Variants in LRRC37A2 observed in about 807,000 individuals in gnomAD.
LRRC37A2 encodes leucine-rich repeat-containing protein 37A2.
In LRRC37A2, 9 loss-of-function variants were observed where a neutral mutation model predicts 68.8. The ratio of observed to expected loss-of-function variants is 0.13; its 90% CI spans 0.08 to 0.23. LRRC37A2 has a LOEUF of 0.23. Among genes scored for constraint, LRRC37A2 ranks in the 10% least tolerant of loss-of-function variants. The pLI is 1.00. For missense variants in LRRC37A2, 168 were observed against 950.4 expected (o/e 0.18, Z 10.82); for synonymous variants, 63 against 367.6 (o/e 0.17, Z 9.48).
At chr17:46,849,642 C>T in the LRRC37A2 span, among the ~76,000 whole-genome samples, 1 of 152,192 alleles carries the variant, frequency 6.6e-6, no homozygotes, top group Non-Finnish European at 1.5e-5. Context: ...CTCTTCCTAA[C>T]TCCAGTGATC....
the LRRC37A2 span, among the ~76,000 whole-genome samples, chr17:46,972,279 C>T: frequency 2.0e-5 from 3 of 152,220 alleles, no homozygotes; most frequent in East Asian, 1.9e-4. Context: ...CATCTTCTCC[C>T]TGCTGTCCTT....
At chr17:46,793,978 A>G in the LRRC37A2 span, among the ~76,000 whole-genome samples, 3 of 152,162 alleles carry the variant, frequency 2.0e-5, no homozygotes, top group Non-Finnish European at 2.9e-5. Context: ...TTTATTCGGC[A>G]CCTGCTATGT....
the LRRC37A2 span, chr17:46,935,154 G>C: frequency 1.2e-6 from 2 of 1,614,076 alleles, no homozygotes; most frequent in Non-Finnish European, 1.7e-6. Flanking sequence ...TGAGGACCCA[G>C]AGACTGACCT....
the LRRC37A2 span, among the ~76,000 whole-genome samples, chr17:46,872,983 G>A: frequency 6.6e-6 from 1 of 152,076 alleles, no homozygotes; most frequent in Non-Finnish European, 1.5e-5. Context: ...AGGTTTGGGG[G>A]AGCAGAGGAG....
chr17:47,027,338 A>G, the LRRC37A2 span, among the ~76,000 whole-genome samples: 3 of 152,166 alleles, frequency 2.0e-5, no homozygotes, highest in East Asian at 1.9e-4. Flanking sequence ...AATTAATTCC[A>G]AAGTCTATTA....
the LRRC37A2 span, chr17:46,728,953 T>C: frequency 7.1e-7 from 1 of 1,410,646 alleles, no homozygotes; most frequent in South Asian, 1.2e-5. Context: ...ATACTACTAA[T>C]AAGGAATATT....
At chr17:46,752,451 TTTATTA>T in the LRRC37A2 span, among the ~76,000 whole-genome samples, 12 of 151,228 alleles carry the variant, frequency 7.9e-5, no homozygotes, top group Admixed American at 6.6e-4. Flanking sequence ...TCAGTAAACT[TTTATTA>T]TTATTATTAT....
At chr17:46,979,346 C>T in the LRRC37A2 span, 1 of 185,756 alleles carries the variant, frequency 5.4e-6, no homozygotes, top group Non-Finnish European at 1.2e-5. Flanking sequence ...GCGGCATCTC[C>T]GAGGGGCGGG....
chr17:46,978,886 C>T, the LRRC37A2 span: 10 of 1,540,964 alleles, frequency 6.5e-6, no homozygotes, highest in African/African-American at 4.2e-5. Flanking sequence ...CGGTGCGCCC[C>T]CTGGACAGCA....
At chr17:46,611,904 CTG>C in the LRRC37A2 span, among the ~76,000 whole-genome samples, 1 of 108,228 alleles carries the variant, frequency 9.2e-6, no homozygotes, top group African/African-American at 4.1e-5. Context: ...TCAAAGGACA[CTG>C]TAGAATGAAG....
the LRRC37A2 span, among the ~76,000 whole-genome samples, chr17:46,863,200 G>A: frequency 9.0e-3 from 1,378 of 152,344 alleles, 18 homozygotes; most frequent in African/African-American, 0.029. Context: ...GCGGTGGGGC[G>A]TTAGGTGGTA....
At chr17:46,714,080 C>G in the LRRC37A2 span, 1 of 1,298,912 alleles carries the variant, frequency 7.7e-7, no homozygotes, top group Non-Finnish European at 1.0e-6. Context: ...ACATATAAAC[C>G]CATAGCAACT....
the LRRC37A2 span, chr17:46,964,338 C>T: frequency 6.6e-6 from 1 of 152,300 alleles, no homozygotes; most frequent in African/African-American, 2.4e-5. Context: ...TGAAATCTCT[C>T]TCCAGCTGCA....
the LRRC37A2 span, among the ~76,000 whole-genome samples, chr17:46,782,053 A>G: frequency 1.3e-5 from 2 of 152,188 alleles, no homozygotes; most frequent in African/African-American, 2.4e-5. Context: ...GAGCTGCAGA[A>G]GGTGGACCCA....
chr17:46,490,685 C>G, the LRRC37A2 span, among the ~76,000 whole-genome samples: 1 of 147,620 alleles, frequency 6.8e-6, no homozygotes, highest in East Asian at 2.0e-4. Context: ...TATCATGCCA[C>G]TGCACTTCAG....
At chr17:46,845,485 A>ATTTTT in the LRRC37A2 span, among the ~76,000 whole-genome samples, 4 of 121,378 alleles carry the variant, frequency 3.3e-5, no homozygotes, top group African/African-American at 6.3e-5. Flanking sequence ...AGTTATCTGA[A>ATTTTT]TTTTTTTTTT....
the LRRC37A2 span, among the ~76,000 whole-genome samples, chr17:46,733,740 T>C: frequency 1.3e-5 from 2 of 152,198 alleles, no homozygotes; most frequent in African/African-American, 4.8e-5. Context: ...AGCTCAACGA[T>C]TGGAAAACTC....
the LRRC37A2 span, among the ~76,000 whole-genome samples, chr17:46,767,180 C>G: frequency 3.9e-5 from 6 of 152,158 alleles, no homozygotes; most frequent in African/African-American, 7.2e-5. Flanking sequence ...CTGTGGAACC[C>G]AGGGCCAGTG....
chr17:46,939,941 C>T, the LRRC37A2 span: 1 of 1,006,410 alleles, frequency 9.9e-7, no homozygotes, highest in Non-Finnish European at 1.2e-6. Context: ...GGCCTACCAG[C>T]CCTGGGCACA....
Sources: gnomAD v4.1 joint callset for allele counts (sites outside exome capture counted in the v4.1 genomes callset) on GRCh38, gnomAD v4.1.1 for gene constraint, MANE v1.5 for transcripts, NCBI Gene and HGNC (gene_info 2026-07-23, HGNC 2026-07-21) for gene names.